The following KIF16B variants were observed in gnomAD, a reference collection of about 807,000 sequenced individuals.
KIF16B encodes the protein kinesin family member 16B.
In KIF16B, 98 loss-of-function variants were observed where a neutral mutation model predicts 156.3. That is an observed-to-expected ratio of 0.63 (90% CI 0.53 to 0.74). The LOEUF (loss-of-function observed/expected upper bound fraction) is 0.74. Among genes scored for constraint, KIF16B ranks in the 30% least tolerant of loss-of-function variants. KIF16B has a pLI of 0.00. For synonymous variants in KIF16B, 564 were observed against 583.7 expected (o/e 0.97, Z 0.49); for missense variants, 1,421 against 1,606.5 (o/e 0.88, Z 1.97).
At chr20:16,420,876 G>T (rs892652065) in intron 15 of KIF16B, among the ~76,000 whole-genome samples, 18 of 152,070 alleles carry the variant, frequency 1.2e-4, no homozygotes, top group African/African-American at 4.3e-4. Context: ...TGGACTTTAG[G>T]ATCCTAGGGC....
intron 1 of KIF16B, among the ~76,000 whole-genome samples, chr20:16,535,208 TC>T (rs1794679046): frequency 6.6e-6 from 1 of 152,184 alleles, no homozygotes; most frequent in South Asian, 2.1e-4. Context: ...AAGAGATCTT[TC>T]ACCTTCTTGG....
At chr20:16,525,327 G>A (rs1196600906) in intron 3 of KIF16B, among the ~76,000 whole-genome samples, 2 of 152,092 alleles carry the variant, frequency 1.3e-5, no homozygotes, top group Non-Finnish European at 2.9e-5. Context: ...TAAAGAAGCT[G>A]TCAACGAGCC....
chr20:16,501,281 T>C (rs1193094179), intron 10 of KIF16B, among the ~76,000 whole-genome samples: 1 of 63,864 alleles, frequency 1.6e-5, no homozygotes, highest in Non-Finnish European at 4.0e-5. Context: ...GAATTCTTGG[T>C]TCAATACCAA....
chr20:16,571,426 C>T (rs530537800), intron 1 of KIF16B, among the ~76,000 whole-genome samples: 1 of 152,314 alleles, frequency 6.6e-6, no homozygotes, highest in South Asian at 2.1e-4. Flanking sequence ...GACTTATTTC[C>T]TGCCATCCCT....
At chr20:16,393,838 A>C (rs1231421625) in intron 17 of KIF16B, among the ~76,000 whole-genome samples, 1 of 152,206 alleles carries the variant, frequency 6.6e-6, no homozygotes, top group African/African-American at 2.4e-5. Context: ...TTTTGGAGAC[A>C]ATGTAGGATT....
chr20:16,290,318 G>C (rs1243881852), intron 25 of KIF16B, among the ~76,000 whole-genome samples: 1 of 152,184 alleles, frequency 6.6e-6, no homozygotes, highest in Admixed American at 6.5e-5. Context: ...TCCACAACTG[G>C]ATGCATCGAG....
intron 12 of KIF16B, among the ~76,000 whole-genome samples, chr20:16,439,328 G>A (rs762014605): frequency 2.0e-5 from 3 of 152,258 alleles, no homozygotes; most frequent in Non-Finnish European, 4.4e-5. Context: ...GGCAGCCAGA[G>A]CCACCTTTTC....
chr20:16,540,777 G>C lies in KIF16B; in HGVS notation c.48-12337C>G, dbSNP rs551001735. Among the ~76,000 whole-genome samples the C allele has an allele frequency of 2.0e-5, 3 of 152,128 alleles. No individual in the cohort carries two copies. The South Asian group carries it at 6.2e-4, about 32-fold the overall frequency. Reference sequence around the variant, plus strand: ...CACTTCTCTTTTCCTCTTGTATTAGGTTCCAAATAAAATATAGGAAGCCCG... The same window carrying C: ...CACTTCTCTTTTCCTCTTGTATTAGCTTCCAAATAAAATATAGGAAGCCCG... On this transcript the variant is annotated intron_variant, in intron 1 of 25. Coordinates refer to ENST00000354981, the MANE Select transcript of KIF16B (RefSeq NM_024704.5).
rs1442362594 is a variant in KIF16B, at chr20:16,469,349, A to G, written c.1302+24942T>C. ...AACAGAAAGATAAATGGAAAATCCT[A>G]AAATGTTTGTAGATTAAACAACACA... On this transcript the variant is annotated intron_variant, in intron 12 of 25. Coordinates refer to ENST00000354981, the MANE Select transcript of KIF16B (RefSeq NM_024704.5). Among the ~76,000 whole-genome samples the G allele has an allele frequency of 5.3e-5, 8 of 151,984 alleles. No individual in the cohort carries two copies. In the East Asian group the frequency reaches 9.6e-4, roughly 18 times the overall value.
chr20:16,423,128 G>A (rs980280234), intron 15 of KIF16B, among the ~76,000 whole-genome samples: 4 of 151,962 alleles, frequency 2.6e-5, no homozygotes, highest in Admixed American at 1.3e-4. Context: ...TATAAGCAGG[G>A]AAAGGTTATA....
intron 24 of KIF16B, among the ~76,000 whole-genome samples, chr20:16,331,457 G>A (rs956841895): frequency 6.6e-6 from 1 of 152,160 alleles, no homozygotes; most frequent in Non-Finnish European, 1.5e-5. Context: ...ATCTTGGCAA[G>A]CATATTCCTA....
intron 25 of KIF16B, among the ~76,000 whole-genome samples, chr20:16,280,099 A>G (rs1435980673): frequency 6.6e-6 from 1 of 152,254 alleles, no homozygotes; most frequent in African/African-American, 2.4e-5. Context: ...GCTCTGCCTG[A>G]AAGGAAACAT....
In KIF16B at chr20:16,555,703, T is replaced by C. The variant is rs529431277; in HGVS notation, c.47+17526A>G. 1.3e-4 allele frequency among the ~76,000 whole-genome samples: 20 copies of C among 152,258 alleles called. No homozygotes were observed. In the South Asian group the frequency reaches 3.9e-3, roughly 30 times the overall value. ...ATCACCTTTATTCAGTACTGATTAG[T>C]GATAGCTACCTCTCAAAAGTCAGAG... On this transcript the variant is annotated intron_variant, in intron 1 of 25. Transcript: ENST00000354981.
chr20:16,371,666 T>C lies in KIF16B; in HGVS notation c.3446A>G (p.Lys1149Arg), dbSNP rs370814736. The change falls in exon 21 of 26, where the codon AAG becomes AGG. Residue 1149 changes from lysine to arginine, a missense_variant and splice_region_variant. Lys to Arg is a conservative substitution (Grantham distance 26). Transcript: ENST00000354981. ...EGCSTSADTM[K>R]DNEKLHNGTI... is the part of the protein sequence containing the mutation. ...TGTTACTTGGCTCCTTCAGCTTACCTTCATCGTGTCTGCAGATGTACTGCA... is the reference window on the plus strand; with the variant it reads ...TGTTACTTGGCTCCTTCAGCTTACCCTCATCGTGTCTGCAGATGTACTGCA... 1.3e-5 allele frequency: 21 copies of C among 1,605,196 alleles called. No homozygotes were observed. Among genetic ancestry groups the C allele is most frequent in the Non-Finnish European group, 1.6e-5 (19 of 1,172,554 alleles).
chr20:16,565,261 T>C (rs2071210627), intron 1 of KIF16B, among the ~76,000 whole-genome samples: 2 of 152,176 alleles, frequency 1.3e-5, no homozygotes, highest in Admixed American at 6.5e-5. Context: ...AGTTACCATG[T>C]TAGAAATTAA....
rs145901299 is a variant in KIF16B at position 16,379,538 on chromosome 20, G to C, written c.2464C>G (p.Gln822Glu). Reference sequence around the variant, plus strand: ...CTCTTGAATTCGAAGAAACGCAGTTGAGCCTTTTCTAACTCCTCGCCATCT... The same window carrying C: ...CTCTTGAATTCGAAGAAACGCAGTTCAGCCTTTTCTAACTCCTCGCCATCT... The part of the protein sequence containing the change: ...DEDGEELEKA[Q>E]LRFFEFKRRQ... Residue 822 changes from glutamine (Q) to glutamate (E), a missense_variant, in exon 19 of 26, where the codon CAA (glutamine) becomes GAA (glutamate). Coordinates refer to ENST00000354981, the MANE Select transcript of KIF16B (RefSeq NM_024704.5). The C allele has an allele frequency of 3.1e-6, 5 of 1,614,144 alleles. No homozygotes were observed. The highest frequency in any genetic ancestry group is 4.2e-6 in the Non-Finnish European group (5 of 1,180,034).
At chr20:16,437,341 T>G (rs2066668220) in intron 12 of KIF16B, among the ~76,000 whole-genome samples, 1 of 152,210 alleles carries the variant, frequency 6.6e-6, no homozygotes, top group African/African-American at 2.4e-5. Context: ...GTTTAGCTGG[T>G]AAACCTGGAA....
chr20:16,472,051 C>T (rs759807879), intron 12 of KIF16B, among the ~76,000 whole-genome samples: 16 of 152,168 alleles, frequency 1.1e-4, no homozygotes, highest in Non-Finnish European at 2.1e-4. Context: ...TAGCTACTGT[C>T]GTCTATTGAG....
At chr20:16,329,500 T>C (rs2063913257) in intron 24 of KIF16B, among the ~76,000 whole-genome samples, 1 of 152,216 alleles carries the variant, frequency 6.6e-6, no homozygotes, top group Admixed American at 6.5e-5. Flanking sequence ...TGATAAAATT[T>C]CAAAGATCTG....
Sources: gnomAD v4.1 joint callset for allele counts (sites outside exome capture counted in the v4.1 genomes callset) on GRCh38, gnomAD v4.1.1 for gene constraint, MANE v1.5 for transcripts, NCBI Gene and HGNC (gene_info 2026-07-23, HGNC 2026-07-21) for gene names.